The following JAG1 variants were observed in gnomAD, a reference collection of about 807,000 sequenced individuals.
The protein encoded by JAG1 is jagged canonical Notch ligand 1, also known as protein jagged-1.
Under a neutral mutation model 148.7 loss-of-function variants are expected in JAG1, and 23 were observed. The observed-to-expected ratio is 0.15, with a 90% CI of 0.11 to 0.22. JAG1 has a LOEUF of 0.22. JAG1 is among the 10% of genes least tolerant of loss of function. JAG1 has a pLI of 1.00. For missense variants in JAG1, 1,054 were observed against 1,611.2 expected (o/e 0.65, Z 5.92); for synonymous variants, 572 against 598.3 (o/e 0.96, Z 0.64).
At chr20:10,660,013 T>A (rs1201008046) in intron 3 of JAG1, among the ~76,000 whole-genome samples, 1 of 152,208 alleles carries the variant, frequency 6.6e-6, no homozygotes, top group Non-Finnish European at 1.5e-5. Flanking sequence ...CAACTCTTCA[T>A]CACCTTGTCA....
intron 5 of JAG1, among the ~76,000 whole-genome samples, chr20:10,655,077 G>T (rs1392500811): frequency 6.6e-6 from 1 of 152,236 alleles, no homozygotes; most frequent in Non-Finnish European, 1.5e-5. Flanking sequence ...AGCAGGAGAA[G>T]CCCCTCAGCC....
chr20:10,672,510 C>T (rs2067503404), intron 2 of JAG1, among the ~76,000 whole-genome samples, 191 bp downstream of exon 2: 1 of 151,926 alleles, frequency 6.6e-6, no homozygotes, highest in African/African-American at 2.4e-5. Flanking sequence ...GGAATGGGAC[C>T]CACCTCGACT....
chr20:10,649,981 C>G (rs780234935), intron 9 of JAG1, among the ~76,000 whole-genome samples: 4 of 152,154 alleles, frequency 2.6e-5, no homozygotes, highest in Non-Finnish European at 5.9e-5. Context: ...TGAGATCATC[C>G]CCTTTTGGAA....
intron 3 of JAG1, 64 bp downstream of exon 3, chr20:10,663,899 C>T (rs45453696): frequency 7.7e-7 from 1 of 1,296,902 alleles, no homozygotes; most frequent in Non-Finnish European, 1.1e-6. Flanking sequence ...CCAGCTCCAA[C>T]TGGTTGGCCA....
intron 12 of JAG1, 100 bp from the exon 13 acceptor site, chr20:10,648,210 C>T (rs2067322517): frequency 7.2e-6 from 10 of 1,396,594 alleles, no homozygotes; most frequent in Non-Finnish European, 1.0e-5. Flanking sequence ...TCTGACAGTT[C>T]CTTCGGTTTC....
At chr20:10,654,259 C>G (rs1328042207) in intron 5 of JAG1, among the ~76,000 whole-genome samples, 1 of 152,042 alleles carries the variant, frequency 6.6e-6, no homozygotes, top group Non-Finnish European at 1.5e-5. Context: ...ACCTCAATCC[C>G]CAAGCATAAA....
chr20:10,649,432 G>A (rs1194364759), intron 10 of JAG1, 90 bp downstream of exon 10: 2 of 814,604 alleles, frequency 2.5e-6, no homozygotes, highest in Non-Finnish European at 2.1e-6. Context: ...TCCTTCTACT[G>A]CTCAAGTCCT....
rs1347152741 is a variant in JAG1, at chr20:10,646,940, T to C, written c.1884A>G (p.Glu628=). The C allele has an allele frequency of 4.3e-6, 7 of 1,614,014 alleles. No homozygotes were observed. Among genetic ancestry groups the C allele is most frequent in the Non-Finnish European group, 5.9e-6 (7 of 1,179,994 alleles). The change falls in exon 14 of 26, where the codon GAA becomes GAG. Residue 628 remains glutamate (E), a splice_region_variant and synonymous_variant. Transcript: ENST00000254958. ...NKGFTGTYCH[E]NINDCESNPC... The stretch of plus-strand genomic sequence containing the variant: ...CATTCCCGGATGAGGGAGTCTTACT[T>C]TCATGGCAGTATGTTCCCGTGAAGC...
intron 2 of JAG1, among the ~76,000 whole-genome samples, chr20:10,668,092 T>TAAAAAAAAAACA: frequency 9.3e-6 from 1 of 107,262 alleles, no homozygotes; most frequent in Non-Finnish European, 1.9e-5. Context: ...ACTGGCACCA[T>TAAAAAAAAAACA]AAAAAAAAAA....
chr20:10,663,889 C>T, intron 3 of JAG1, 74 bp downstream of exon 3: 1 of 1,151,536 alleles, frequency 8.7e-7, no homozygotes, highest in Admixed American at 1.7e-5. Context: ...GGAGACAGAT[C>T]CAGCTCCAAC....
At chr20:10,642,742 A>T (rs972231075) in intron 20 of JAG1, 141 bp from the exon 21 acceptor site, 2 of 702,060 alleles carry the variant, frequency 2.8e-6, no homozygotes, top group Non-Finnish European at 5.2e-6. Context: ...ATCCAAAAGA[A>T]GAAACAGATC....
chr20:10,664,197 G>A (rs1327645724), intron 2 of JAG1, among the ~76,000 whole-genome samples, 183 bp from the exon 3 acceptor site: 1 of 152,072 alleles, frequency 6.6e-6, no homozygotes, highest in Non-Finnish European at 1.5e-5. Flanking sequence ...TCCTTTGTCA[G>A]CACTCTTCCC....
chr20:10,649,708 A>C, intron 9 of JAG1, 73 bp from the exon 10 acceptor site: 2 of 852,394 alleles, frequency 2.3e-6, no homozygotes, highest in Non-Finnish European at 4.0e-6. Context: ...AAAAAAAAGA[A>C]CAGGCCAGAG....
chr20:10,664,383 CA>C (rs2067438197), intron 2 of JAG1, among the ~76,000 whole-genome samples: 1 of 134,542 alleles, frequency 7.4e-6, no homozygotes, highest in African/African-American at 3.9e-5. Flanking sequence ...AACACACACA[CA>C]CACACACACA....
At position 10,643,798 on chromosome 20, in the gene JAG1, G is replaced by A. The variant is rs1240513303; in HGVS notation, c.2438C>T (p.Ala813Val). 6.2e-7 allele frequency: 1 copy of A among 1,613,904 alleles called. No homozygotes were observed. Among genetic ancestry groups the A allele is most frequent in the Non-Finnish European group, 8.5e-7 (1 of 1,179,936 alleles). The change falls in exon 20 of 26, where the codon GCT (alanine) becomes GTT (valine). Residue 813 changes from alanine to valine, a missense_variant. By Grantham distance (64) the Ala-to-Val change is moderately conservative. Transcript: ENST00000254958. ...WYRCECAPGF[A>V]GPDCRININE... ...CTTACTTATTCTGCAGTCGGGCCCA[G>A]CAAAACCCGGGGCACATTCGCACCG...
At chr20:10,656,513 C>T (rs1352148656) in intron 4 of JAG1, 55 bp from the exon 5 acceptor site, 31 of 1,472,138 alleles carry the variant, frequency 2.1e-5, no homozygotes, top group East Asian at 6.8e-5. Flanking sequence ...TGCATCGCCC[C>T]GGTCATGAGA....
rs910126325 is a variant in JAG1, at chr20:10,673,292, G to T, written c.81+158C>A. On this transcript the variant is annotated intron_variant, in intron 1 of 25. Transcript: ENST00000254958. The surrounding 1 kb of genome is among the most constrained non-coding windows in gnomAD (Gnocchi z 4.7). ...TCAGGAGGCAGGGGCTCCCGTGGGG[G>T]AGTTGGCGCGCTCAGCCCAGGTGCA... is the stretch of plus-strand genomic sequence containing the variant. Among the ~76,000 whole-genome samples, 6 of 152,206 alleles carry T rather than the reference G, an allele frequency of 3.9e-5. No homozygotes were observed. Among genetic ancestry groups the T allele is most frequent in the Non-Finnish European group, 8.8e-5 (6 of 68,016 alleles).
At position 10,672,575 on chromosome 20, in the gene JAG1, A is replaced by G. The variant is rs557847986; in HGVS notation, c.387+126T>C. On this transcript the variant is annotated intron_variant, in intron 2 of 25. Transcript: ENST00000254958. ...CGGCTCCCTCACCCGCCACCCCTAG[A>G]GATTTCCCCAGTTAGCGCCTAGTTT... is the stretch of plus-strand genomic sequence containing the variant. 12 of 973,522 alleles carry G rather than the reference A, an allele frequency of 1.2e-5. No homozygotes were observed. The East Asian group carries it at 2.9e-4, about 23-fold the overall frequency. 60.3% of individuals were successfully genotyped at this position (973,522 alleles called of 1,614,324 possible). A position where few individuals can be genotyped will look rare whatever the true frequency, so the allele number is the denominator to read the frequency against.
intron 5 of JAG1, among the ~76,000 whole-genome samples, chr20:10,653,875 A>C (rs1170418362): frequency 6.6e-6 from 1 of 152,198 alleles, no homozygotes; most frequent in Admixed American, 6.5e-5. Flanking sequence ...TAACTTCTGA[A>C]ACCAAGCTAT....
Sources: gnomAD v4.1 joint callset for allele counts (sites outside exome capture counted in the v4.1 genomes callset) on GRCh38, gnomAD v4.1.1 for gene constraint, Gnocchi (gnomAD v3.1) non-coding constraint, MANE v1.5 for transcripts, NCBI Gene and HGNC (gene_info 2026-07-23, HGNC 2026-07-21) for gene names.